BRIP1: variants seen among roughly 807,000 people sequenced by gnomAD.
BRIP1 encodes the protein BRCA1 interacting DNA helicase 1.
In BRIP1, 88 loss-of-function variants were observed where a neutral mutation model predicts 119.7. That is an observed-to-expected ratio of 0.74 (90% confidence interval 0.62 to 0.88). BRIP1 has a LOEUF of 0.88. Ranked by LOEUF, BRIP1 falls within the 40% of genes least tolerant of loss-of-function variation. The probability of loss-of-function intolerance (pLI) is 0.00; values close to 1 mark genes in which losing one functional copy is unlikely to be tolerated. For synonymous variants in BRIP1, 443 were observed against 496.5 expected, an observed-to-expected ratio of 0.89 and a Z score of 1.43; for missense variants, 1,259 against 1,455.4, an observed-to-expected ratio of 0.87 and a Z score of 2.20.
In BRIP1 at chr17:61,683,144, C is replaced by A. The variant is rs540229694; in HGVS notation, c.*152G>T. The A allele has an allele frequency of 7.0e-4, 718 of 1,028,132 alleles. 4 individuals carry two copies. In the African/African-American group the frequency reaches 0.011, roughly 15 times the overall value. The allele number at this position is 1,028,132 out of a possible 1,614,324, so 63.7% of individuals were successfully genotyped here. A position where few individuals can be genotyped will look rare whatever the true frequency, so the allele number is the denominator to read the frequency against. ...AGACTCTGTCTCAAAAAAAAAAACCCAAAAACTCAAGAATAATAACATTTA... is the reference window on the plus strand; with the variant it reads ...AGACTCTGTCTCAAAAAAAAAAACCAAAAAACTCAAGAATAATAACATTTA... On this transcript the variant is annotated 3_prime_UTR_variant, in exon 20 of 20. Coordinates refer to ENST00000259008, the MANE Select transcript of BRIP1 (RefSeq NM_032043.3). The surrounding 1 kb of genome is among the most constrained non-coding windows in gnomAD (Gnocchi z 4.7).
At position 61,746,768 on chromosome 17, in the gene BRIP1, G is replaced by A. The variant is rs542939144; in HGVS notation, c.2098-2177C>T. 4.6e-5 allele frequency among the ~76,000 whole-genome samples: 7 copies of A among 152,180 alleles called. No homozygotes were observed. In the South Asian group the frequency reaches 8.3e-4, roughly 18 times the overall value. On this transcript the variant is annotated intron_variant, in intron 14 of 19. Transcript: ENST00000259008. The surrounding 1 kb of genome is among the most constrained non-coding windows in gnomAD (Gnocchi z 4.9). ...AGGAAAGTCATATATCTAACCTTCA[G>A]TAATGAATAAAACATCCAAACAGAA...
rs1164261289 is a variant in BRIP1 at position 61,816,220 on chromosome 17, G to A, written c.628-7463C>T. Among the ~76,000 whole-genome samples, 2 of 152,180 alleles carry A rather than the reference G, an allele frequency of 1.3e-5. No homozygotes were observed. Among genetic ancestry groups the A allele is most frequent in the Admixed American group, 6.5e-5 (1 of 15,276 alleles). On this transcript the variant is annotated intron_variant, in intron 6 of 19. Coordinates refer to ENST00000259008, the MANE Select transcript of BRIP1 (RefSeq NM_032043.3). The surrounding 1 kb of genome is among the most constrained non-coding windows in gnomAD (Gnocchi z 5.0). ...ATTCAAGATGTCAATCAGCAGGTAG[G>A]GGATCAGATACAGTGTCAGGTGAGA...
chr17:61,787,347 C>T (rs1429365513), intron 10 of BRIP1, among the ~76,000 whole-genome samples: 2 of 111,654 alleles, frequency 1.8e-5, no homozygotes, highest in Non-Finnish European at 3.4e-5. Flanking sequence ...ATATATAAAA[C>T]ATTATATATT....
At position 61,838,267 on chromosome 17, in the gene BRIP1, C is replaced by T. The variant is rs73332535; in HGVS notation, c.627+8834G>A. 2.8e-3 allele frequency among the ~76,000 whole-genome samples: 433 copies of T among 152,118 alleles called. 3 individuals carry two copies. Among genetic ancestry groups the T allele is most frequent in the African/African-American group, 9.9e-3 (412 of 41,498 alleles). ...CTTAGAATTTAAAGGTGTTAGAATTCAATTAGATATAACGTATCTCCTGAC... is the reference window on the plus strand; with the variant it reads ...CTTAGAATTTAAAGGTGTTAGAATTTAATTAGATATAACGTATCTCCTGAC... On this transcript the variant is annotated intron_variant, in intron 6 of 19. Transcript: ENST00000259008.
In BRIP1 at chr17:61,861,912, G is replaced by C. The variant is rs1220537773; in HGVS notation, c.-30-343C>G. 1 of 297,298 alleles carries C rather than the reference G, an allele frequency of 3.4e-6. No homozygotes were observed. The highest frequency in any genetic ancestry group is 2.2e-5 in the African/African-American group (1 of 45,478). The allele number at this position is 297,298 out of a possible 1,614,324, so 18.4% of individuals were successfully genotyped here. A position where few individuals can be genotyped will look rare whatever the true frequency, so the allele number is the denominator to read the frequency against. On this transcript the variant is annotated intron_variant, in intron 1 of 19. Coordinates refer to ENST00000259008, the MANE Select transcript of BRIP1 (RefSeq NM_032043.3). This position sits in a 1 kb window ranked among gnomAD's most constrained non-coding sequence, Gnocchi z 4.5. Reference sequence around the variant, plus strand: ...TGCAAATATGATAAAGTACATACCAGATTAAACATGAGCTCTTGTAACAGT... The same window carrying C: ...TGCAAATATGATAAAGTACATACCACATTAAACATGAGCTCTTGTAACAGT...
In BRIP1 at chr17:61,710,369, G is replaced by A. The variant is rs1352287796; in HGVS notation, c.2492+5582C>T. Among the ~76,000 whole-genome samples, 4 of 152,060 alleles carry A rather than the reference G, an allele frequency of 2.6e-5. No homozygotes were observed. Among genetic ancestry groups the A allele is most frequent in the Non-Finnish European group, 5.9e-5 (4 of 68,002 alleles). ...AGTTGGTTGCTGAGAATGTAACAAC[G>A]TAACACATGTTCAAGGAAGAAAACA... On this transcript the variant is annotated intron_variant, in intron 17 of 19. Transcript: ENST00000259008. This position sits in a 1 kb window ranked among gnomAD's most constrained non-coding sequence, Gnocchi z 5.4.
In BRIP1 at chr17:61,710,220, T is replaced by C. The variant is rs562596838; in HGVS notation, c.2492+5731A>G. On this transcript the variant is annotated intron_variant, in intron 17 of 19. Coordinates refer to ENST00000259008, the MANE Select transcript of BRIP1 (RefSeq NM_032043.3). The surrounding 1 kb of genome is among the most constrained non-coding windows in gnomAD (Gnocchi z 5.4). ...ATTATATATCAATACTATAAATACA[T>C]GATTTTTATGATATTCCAGGAAAGC... is the stretch of plus-strand genomic sequence containing the variant. Among the ~76,000 whole-genome samples the C allele has an allele frequency of 2.3e-4, 35 of 152,256 alleles. No homozygotes were observed. In the Middle Eastern group the frequency reaches 0.01, roughly 44 times the overall value.
chr17:61,693,120 C>T lies in BRIP1; in HGVS notation c.2575+310G>A, dbSNP rs963016835. 1.3e-5 allele frequency among the ~76,000 whole-genome samples: 2 copies of T among 152,090 alleles called. No individual in the cohort carries two copies. The highest frequency in any genetic ancestry group is 2.9e-5 in the Non-Finnish European group (2 of 68,012). On this transcript the variant is annotated intron_variant, in intron 18 of 19. Coordinates refer to ENST00000259008, the MANE Select transcript of BRIP1 (RefSeq NM_032043.3). The surrounding 1 kb of genome is among the most constrained non-coding windows in gnomAD (Gnocchi z 4.2). ...CTGAAATAAGCCAGTTACAGAAGGACAAATACTGCATAATTCAATTTATAT... is the reference window on the plus strand; with the variant it reads ...CTGAAATAAGCCAGTTACAGAAGGATAAATACTGCATAATTCAATTTATAT...
chr17:61,811,908 C>A (rs1179189967), intron 6 of BRIP1, among the ~76,000 whole-genome samples: 1 of 152,000 alleles, frequency 6.6e-6, no homozygotes, highest in Non-Finnish European at 1.5e-5. Context: ...GCCAAGACCA[C>A]GCCACTGCAC....
rs1468430355 is a variant in BRIP1 at position 61,745,293 on chromosome 17, T to C, written c.2098-702A>G. Among the ~76,000 whole-genome samples the C allele has an allele frequency of 6.6e-6, 1 of 152,188 alleles. No homozygotes were observed. Among genetic ancestry groups the C allele is most frequent in the African/African-American group, 2.4e-5 (1 of 41,442 alleles). On this transcript the variant is annotated intron_variant, in intron 14 of 19. Coordinates refer to ENST00000259008, the MANE Select transcript of BRIP1 (RefSeq NM_032043.3). The surrounding 1 kb of genome is among the most constrained non-coding windows in gnomAD (Gnocchi z 4.4). ...TCATATTGATCACATATTTCAACAG[T>C]TATGCCATGGTAGATTAAAAGTCAA...
intron 10 of BRIP1, among the ~76,000 whole-genome samples, chr17:61,792,809 T>C (rs948374158): frequency 2.6e-5 from 4 of 152,182 alleles, no homozygotes; most frequent in Admixed American, 1.3e-4. Context: ...AACCTTAAGG[T>C]AACCTATGGA....
chr17:61,859,812 C>A lies in BRIP1; in HGVS notation c.189G>T (p.Trp63Cys), dbSNP rs1603367647. ...SLALLCSALA[W>C]QQSLSGKPAD... ...ACTACTTACCACTAAGAGATTGTTG[C>A]CATGCTAAAGCAGAACAAAGTAAGG... Residue 63 changes from tryptophan to cysteine, a missense_variant, in exon 3 of 20, where the codon TGG becomes TGT. By Grantham distance (215) the Trp-to-Cys change is radical (BLOSUM62 -2). This residue lies in a region of BRIP1 where 501 missense variants were observed against 544.0 expected (regional missense o/e 0.92). Coordinates refer to ENST00000259008, the MANE Select transcript of BRIP1 (RefSeq NM_032043.3). The A allele has an allele frequency of 1.2e-6, 2 of 1,612,452 alleles. No homozygotes were observed. Among genetic ancestry groups the A allele is most frequent in the Non-Finnish European group, 1.7e-6 (2 of 1,178,608 alleles).
chr17:61,861,765 AT>A lies in BRIP1; in HGVS notation c.-30-197del. 1 of 579,576 alleles carries A rather than the reference AT, an allele frequency of 1.7e-6. No homozygotes were observed. The highest frequency in any genetic ancestry group is 3.0e-5 in the Admixed American group (1 of 33,314). The allele number at this position is 579,576 out of a possible 1,614,324, so 35.9% of individuals were successfully genotyped here. The stretch of plus-strand genomic sequence containing the variant: ...ATGTCTTAGAGTCTAACAAATCTAG[AT>A]TTGTATCCTTCACTCTGCCAGGTAT... On this transcript the variant is annotated intron_variant, in intron 1 of 19. Coordinates refer to ENST00000259008, the MANE Select transcript of BRIP1 (RefSeq NM_032043.3). The surrounding 1 kb of genome is among the most constrained non-coding windows in gnomAD (Gnocchi z 4.5).
At chr17:61,788,727 G>T (rs2077770750) in intron 10 of BRIP1, among the ~76,000 whole-genome samples, 1 of 152,082 alleles carries the variant, frequency 6.6e-6, no homozygotes. Flanking sequence ...AGGCCGAGGT[G>T]GGAGGATCGC....
Position 61,758,436 on chromosome 17 carries a change from G to A in BRIP1, c.2098-13845C>T, listed in dbSNP as rs1054689710. 6.6e-6 allele frequency among the ~76,000 whole-genome samples: 1 copy of A among 152,142 alleles called. No individual in the cohort carries two copies. Among genetic ancestry groups the A allele is most frequent in the African/African-American group, 2.4e-5 (1 of 41,440 alleles). On this transcript the variant is annotated intron_variant, in intron 14 of 19. Coordinates refer to ENST00000259008, the MANE Select transcript of BRIP1 (RefSeq NM_032043.3). This position sits in a 1 kb window ranked among gnomAD's most constrained non-coding sequence, Gnocchi z 5.3. ...GCAACCACTATAATGTTACCTAAAA[G>A]TTACTACTTTCAAGTATTGCCATCT...
chr17:61,834,438 G>A lies in BRIP1; in HGVS notation c.627+12663C>T, dbSNP rs7223243. Among the ~76,000 whole-genome samples, 52,834 of 151,820 alleles carry A rather than the reference G, an allele frequency of 0.35. 9,818 individuals are homozygous for A. The highest frequency in any genetic ancestry group is 0.43 in the Non-Finnish European group (29,136 of 67,910). On this transcript the variant is annotated intron_variant, in intron 6 of 19. Transcript: ENST00000259008. This position sits in a 1 kb window ranked among gnomAD's most constrained non-coding sequence, Gnocchi z 4.4. ...GAGAAAACATAGTAGTGTTCTCTAT[G>A]GTGGAAATGTTTACATATATACTCA...
chr17:61,819,360 C>T (rs2078286623), intron 6 of BRIP1, among the ~76,000 whole-genome samples: 2 of 152,072 alleles, frequency 1.3e-5, no homozygotes, highest in Non-Finnish European at 2.9e-5. Flanking sequence ...CCATATGATC[C>T]AGCAATCCCA....
chr17:61,852,815 CTTT>C lies in BRIP1; in HGVS notation c.380-3562_380-3560del, dbSNP rs796955472. Among the ~76,000 whole-genome samples the C allele has an allele frequency of 1.4e-4, 22 of 151,774 alleles. No homozygotes were observed. Among genetic ancestry groups the C allele is most frequent in the African/African-American group, 5.3e-4 (22 of 41,408 alleles). On this transcript the variant is annotated intron_variant, in intron 4 of 19. Coordinates refer to ENST00000259008, the MANE Select transcript of BRIP1 (RefSeq NM_032043.3). This position sits in a 1 kb window ranked among gnomAD's most constrained non-coding sequence, Gnocchi z 4.9. ...ACCACACATACACAAGAATGACTAA[CTTT>C]TTTTTTAAACTATAAATATCAAGTA...
At chr17:61,781,972 A>G (rs1259392450) in intron 11 of BRIP1, among the ~76,000 whole-genome samples, 2 of 151,756 alleles carry the variant, frequency 1.3e-5, no homozygotes, top group Non-Finnish European at 2.9e-5. Flanking sequence ...TCTTCGCTAT[A>G]GTATTTCCTT....
Sources: gnomAD v4.1 joint callset for allele counts (sites outside exome capture counted in the v4.1 genomes callset) on GRCh38, gnomAD v4.1.1 for gene constraint, gnomAD v4.1.1 regional missense constraint, Gnocchi (gnomAD v3.1) non-coding constraint, MANE v1.5 for transcripts, NCBI Gene and HGNC (gene_info 2026-07-23, HGNC 2026-07-21) for gene names.